Variants in MCM9 observed in about 807,000 individuals in gnomAD.
MCM9 encodes minichromosome maintenance 9 homologous recombination repair factor, also known as DNA helicase MCM9.
In MCM9, 55 loss-of-function variants were observed where a neutral mutation model predicts 72.8. That is an observed-to-expected ratio of 0.76 (90% confidence interval 0.61 to 0.95). The LOEUF is 0.95. Among genes scored for constraint, MCM9 ranks in the 40% least tolerant of loss-of-function variants. The pLI is 0.00. For synonymous variants in MCM9, 480 were observed against 503.4 expected (o/e 0.95, Z 0.62); for missense variants, 1,279 against 1,377.0 (o/e 0.93, Z 1.13).
intron 8 of MCM9, chr6:118,901,182 A>G: frequency 4.4e-6 from 1 of 224,860 alleles, no homozygotes; most frequent in East Asian, 9.5e-5. Flanking sequence ...TCTTCCTGTG[A>G]ATAGCACCTC....
chr6:118,893,066 T>G (rs1554260184), intron 8 of MCM9, among the ~76,000 whole-genome samples: 2 of 152,236 alleles, frequency 1.3e-5, no homozygotes, highest in Non-Finnish European at 2.9e-5. Flanking sequence ...AAAAAAATGA[T>G]GGTTTATGGC....
At chr6:118,848,444 T>G (rs1776015936) in intron 9 of MCM9, among the ~76,000 whole-genome samples, 1 of 151,910 alleles carries the variant, frequency 6.6e-6, no homozygotes, top group South Asian at 2.1e-4. Flanking sequence ...AAATAAAAAT[T>G]TATTGGAACA....
Position 118,831,692 on chromosome 6 carries a change from A to T in MCM9, c.1326-2442T>A, listed in dbSNP as rs137857351. 1.8e-3 allele frequency among the ~76,000 whole-genome samples: 276 copies of T among 152,340 alleles called. 1 individual carries two copies. The highest frequency in any genetic ancestry group is 0.01 in the South Asian group (50 of 4,828). ...ACATACAATCTAATCCTAAGTATAC[A>T]GTGCGTAGTAGTGGCTCACTAAATA... On this transcript the variant is annotated intron_variant, in intron 9 of 13. Coordinates refer to ENST00000619706, the MANE Select transcript of MCM9 (RefSeq NM_017696.3).
intron 8 of MCM9, among the ~76,000 whole-genome samples, chr6:118,889,933 G>A (rs752623999): frequency 2.0e-5 from 3 of 152,186 alleles, no homozygotes; most frequent in East Asian, 1.9e-4. Context: ...TATTAATGAC[G>A]TGGAGCAGAG....
chr6:118,884,405 T>G (rs1039655274), intron 8 of MCM9, among the ~76,000 whole-genome samples: 2 of 151,288 alleles, frequency 1.3e-5, no homozygotes, highest in Non-Finnish European at 2.9e-5. Flanking sequence ...TAACAACCAC[T>G]AAGGAAATCA....
At chr6:118,832,760 G>C (rs1046264963) in intron 9 of MCM9, among the ~76,000 whole-genome samples, 1 of 152,148 alleles carries the variant, frequency 6.6e-6, no homozygotes, top group African/African-American at 2.4e-5. Flanking sequence ...CCTTGTTTTT[G>C]TGAAGGTCTC....
intron 4 of MCM9, among the ~76,000 whole-genome samples, chr6:118,922,908 C>A (rs1030363563): frequency 6.6e-6 from 1 of 151,464 alleles, no homozygotes; most frequent in African/African-American, 2.4e-5. Context: ...GGCACACGCC[C>A]GTAATCCCAG....
chr6:118,856,883 A>G (rs1776588549), intron 8 of MCM9, among the ~76,000 whole-genome samples: 1 of 152,196 alleles, frequency 6.6e-6, no homozygotes, highest in Non-Finnish European at 1.5e-5. Context: ...CTTGTCTTAA[A>G]AAAACAAAAA....
rs144201870 is a variant in MCM9 at position 118,870,897 on chromosome 6, T to A, written c.1151-14352A>T. Among the ~76,000 whole-genome samples the A allele has an allele frequency of 3.8e-4, 58 of 151,670 alleles. 1 individual carries two copies. The East Asian group carries it at 0.011, about 28-fold the overall frequency. ...CTAGAAATATATAATCTACCAAGAC[T>A]GAACCAAAAAATTATTGAAAATCTG... On this transcript the variant is annotated intron_variant, in intron 8 of 13. Coordinates refer to ENST00000619706, the MANE Select transcript of MCM9 (RefSeq NM_017696.3).
chr6:118,885,597 C>T (rs1583539991), intron 8 of MCM9, among the ~76,000 whole-genome samples: 1 of 152,016 alleles, frequency 6.6e-6, no homozygotes, highest in South Asian at 2.1e-4. Context: ...TAGAATGATA[C>T]CAACTACTGA....
At chr6:118,828,874 G>A (rs964265354) in intron 10 of MCM9, among the ~76,000 whole-genome samples, 174 bp downstream of exon 10, 1 of 152,060 alleles carries the variant, frequency 6.6e-6, no homozygotes, top group Non-Finnish European at 1.5e-5. Context: ...CTTCAACTCA[G>A]TATTCTGAGG....
At chr6:118,895,626 C>G (rs1450121621) in intron 8 of MCM9, among the ~76,000 whole-genome samples, 1 of 151,932 alleles carries the variant, frequency 6.6e-6, no homozygotes, top group East Asian at 1.9e-4. Context: ...CTTAAAAATA[C>G]GTATTTTTAA....
intron 9 of MCM9, among the ~76,000 whole-genome samples, chr6:118,854,944 A>C (rs1007044951): frequency 1.2e-4 from 19 of 152,182 alleles, no homozygotes; most frequent in African/African-American, 4.3e-4. Context: ...ATTTTTAATA[A>C]TTATTTTTTC....
chr6:118,854,310 A>G (rs1230842433), intron 9 of MCM9, among the ~76,000 whole-genome samples: 1 of 152,138 alleles, frequency 6.6e-6, no homozygotes, highest in Non-Finnish European at 1.5e-5. Flanking sequence ...TTAAGTGGAA[A>G]ACACTGTCTT....
chr6:118,868,814 T>C (rs147920099), intron 8 of MCM9, among the ~76,000 whole-genome samples: 9,763 of 152,246 alleles, frequency 0.064, 450 homozygotes, highest in East Asian at 0.19. Context: ...TTACACTGTT[T>C]GTGGGTGTAT....
chr6:118,924,233 GA>G (rs1257550147), intron 3 of MCM9, 106 bp from the exon 4 acceptor site: 56 of 993,454 alleles, frequency 5.6e-5, no homozygotes, highest in East Asian at 7.3e-5. Context: ...ATTTCAGGGG[GA>G]AAAAAAAGAT....
chr6:118,826,161 A>AAGGTC lies in MCM9; in HGVS notation c.1946_1947insGACCT (p.Arg650ThrfsTer23), dbSNP rs1774154134. ...TCATTCCTCACCTTTCAAGTCTTCT[A>AAGGTC]AGCTCTTCACTCAAGAGGCTCTGCA... On this transcript the variant is annotated frameshift_variant, in exon 13 of 14. Transcript: ENST00000619706. LOFTEE classifies it low-confidence loss of function (END_TRUNC). 1.3e-6 allele frequency: 2 copies of AAGGTC among 1,550,012 alleles called. No individual in the cohort carries two copies. Among genetic ancestry groups the AAGGTC allele is most frequent in the Non-Finnish European group, 1.7e-6 (2 of 1,146,786 alleles).
At chr6:118,920,980 G>C (rs1172365514) in intron 5 of MCM9, 1 of 152,228 alleles carries the variant, frequency 6.6e-6, no homozygotes, top group East Asian at 1.9e-4. Flanking sequence ...TGAGTTGACA[G>C]GGACAAAGGA....
chr6:118,833,183 C>T (rs149309025), intron 9 of MCM9, among the ~76,000 whole-genome samples: 83,221 of 151,948 alleles, frequency 0.55, 23,443 homozygotes, highest in East Asian at 0.65. Flanking sequence ...CAGACTGACA[C>T]GAACAAGAAA....
Sources: gnomAD v4.1 joint callset for allele counts (sites outside exome capture counted in the v4.1 genomes callset) on GRCh38, gnomAD v4.1.1 for gene constraint, MANE v1.5 for transcripts, NCBI Gene and HGNC (gene_info 2026-07-23, HGNC 2026-07-21) for gene names.